Variants in INO80 observed in about 807,000 individuals in gnomAD.
INO80 encodes the protein chromatin-remodeling ATPase INO80.
A neutral mutation model predicts 203.4 loss-of-function variants in INO80; 20 were observed. The observed-to-expected ratio is 0.10, with a 90% CI of 0.07 to 0.14. INO80 has a LOEUF of 0.14. INO80 is among the 10% of genes least tolerant of loss of function. The probability of loss-of-function intolerance (pLI) is 1.00; values close to 1 mark genes in which losing one functional copy is unlikely to be tolerated. For missense variants in INO80, 1,419 were observed against 1,914.4 expected, an observed-to-expected ratio of 0.74 and a Z score of 4.83; for synonymous variants, 726 against 685.2, an observed-to-expected ratio of 1.06 and a Z score of -0.93.
intron 19 of INO80, among the ~76,000 whole-genome samples, chr15:41,053,589 A>G (rs2044925042): frequency 6.6e-6 from 1 of 152,232 alleles, no homozygotes; most frequent in South Asian, 2.1e-4. Flanking sequence ...TACTTCATAA[A>G]CAAATATTCA....
At chr15:41,008,224 TACACACACACACACACAC>T (rs71104765) in intron 27 of INO80, among the ~76,000 whole-genome samples, 3 of 148,824 alleles carry the variant, frequency 2.0e-5, no homozygotes, top group East Asian at 2.0e-4. Flanking sequence ...TATATATACA[TACACACACACACACACAC>T]ACACACACAC....
At position 40,985,384 on chromosome 15, in the gene INO80, T is replaced by C. The variant is rs1485064405; in HGVS notation, c.3875A>G (p.Asn1292Ser). The C allele has an allele frequency of 6.2e-6, 10 of 1,613,988 alleles. No individual in the cohort carries two copies. The Admixed American group carries it at 1.2e-4, about 19-fold the overall frequency. ...CTTCCGCTTGCGCTCTTTCACTCGG[T>C]TGGTTTCCTCCTGTTGCCGTTTCTC... The part of the protein sequence containing the change: ...QEEKRQQEET[N>S]RVKERKRKRE... The change falls in exon 32 of 36, where the codon AAC becomes AGC. Residue 1292 changes from asparagine to serine, a missense_variant. Transcript: ENST00000648947.
chr15:41,074,669 T>C (rs1392248404), intron 9 of INO80, 104 bp from the exon 10 acceptor site: 4 of 762,070 alleles, frequency 5.2e-6, no homozygotes, highest in African/African-American at 1.8e-5. Flanking sequence ...TTACCAACTG[T>C]TTACTTTTAA....
intron 21 of INO80, among the ~76,000 whole-genome samples, chr15:41,048,892 C>T (rs1339275289): frequency 2.6e-5 from 4 of 152,204 alleles, no homozygotes; most frequent in East Asian, 1.9e-4. Context: ...CTAAATTTAT[C>T]GTTGCTGACT....
intron 7 of INO80, among the ~76,000 whole-genome samples, chr15:41,083,464 G>A (rs937169155): frequency 3.3e-5 from 5 of 152,012 alleles, no homozygotes; most frequent in Non-Finnish European, 7.4e-5. Flanking sequence ...CCAGCACTTT[G>A]GAAAGCTGAG....
chr15:41,105,878 T>C (rs931999253), intron 1 of INO80, among the ~76,000 whole-genome samples: 1 of 152,196 alleles, frequency 6.6e-6, no homozygotes, highest in Non-Finnish European at 1.5e-5. Context: ...TCAAGGTTCA[T>C]CTTATGTATA....
intron 15 of INO80, among the ~76,000 whole-genome samples, chr15:41,059,653 C>CA (rs936863496): frequency 5.4e-5 from 8 of 147,526 alleles, no homozygotes; most frequent in South Asian, 4.3e-4. Context: ...GACCTTGTCT[C>CA]AAAAAAAAAG....
At position 41,056,853 on chromosome 15, in the gene INO80, A is replaced by G. The variant is rs2044995591; in HGVS notation, c.1986-147T>C. ...ATCATGTATTCAACTGAAAAACATTATTCAACAAAGCTGAAAACAGGACAC... is the reference window on the plus strand; with the variant it reads ...ATCATGTATTCAACTGAAAAACATTGTTCAACAAAGCTGAAAACAGGACAC... On this transcript the variant is annotated intron_variant, in intron 16 of 35. Transcript: ENST00000648947. 10 of 634,406 alleles carry G rather than the reference A, an allele frequency of 1.6e-5. No individual in the cohort carries two copies. The South Asian group carries it at 2.0e-4, about 12-fold the overall frequency. 39.3% of individuals were successfully genotyped at this position (634,406 alleles called of 1,614,324 possible).
At chr15:41,057,454 CCT>C (rs1184428473) in intron 16 of INO80, among the ~76,000 whole-genome samples, 2 of 132,090 alleles carry the variant, frequency 1.5e-5, no homozygotes, top group East Asian at 2.1e-4. Context: ...GACCCTATCC[CCT>C]GTCTCAAAAA....
chr15:41,081,196 T>C (rs903287189), intron 7 of INO80, 123 bp from the exon 8 acceptor site: 3 of 637,694 alleles, frequency 4.7e-6, no homozygotes, highest in South Asian at 1.9e-5. Flanking sequence ...CAAGATATAT[T>C]ACTTCTATAA....
Position 41,069,592 on chromosome 15 carries a change from G to A in INO80, c.1760C>T (p.Thr587Ile). The A allele has an allele frequency of 6.2e-7, 1 of 1,603,102 alleles. No homozygotes were observed. Among genetic ancestry groups the A allele is most frequent in the Non-Finnish European group, 8.5e-7 (1 of 1,171,950 alleles). The stretch of plus-strand genomic sequence containing the variant: ...TACCTTAAATTTAGGAACAAATCTA[G>A]TAAACTCCTGGTGCCAATTGTTAAG... The part of the protein sequence containing the change: ...STLNNWHQEF[T>I]RFVPKFKVLP... The change falls in exon 14 of 36, where the codon ACT becomes ATT. Residue 587 changes from threonine to isoleucine, a missense_variant. By Grantham distance (89) the Thr-to-Ile change is moderately conservative (BLOSUM62 -1). Around this residue, in one of 9 missense-constraint regions of INO80, gnomAD observed 192 missense variants for 406.7 expected, o/e 0.47. Coordinates refer to ENST00000648947, the MANE Select transcript of INO80 (RefSeq NM_017553.3).
At chr15:41,090,466 A>G (rs1298442963) in intron 5 of INO80, among the ~76,000 whole-genome samples, 1 of 152,124 alleles carries the variant, frequency 6.6e-6, no homozygotes, top group Admixed American at 6.6e-5. Flanking sequence ...AATCTCAGCT[A>G]CTCAGCAGGC....
At chr15:41,045,520 T>G (rs2044740671) in intron 23 of INO80, among the ~76,000 whole-genome samples, 1 of 146,980 alleles carries the variant, frequency 6.8e-6, no homozygotes, top group Non-Finnish European at 1.5e-5. Flanking sequence ...AGATGGAGAT[T>G]GCAGTGAGCC....
rs189875666 is a variant in INO80, at chr15:41,111,209, G to C, written c.-44+4764C>G. Among the ~76,000 whole-genome samples, 140 of 152,354 alleles carry C rather than the reference G, an allele frequency of 9.2e-4. 1 individual carries two copies. Among genetic ancestry groups the C allele is most frequent in the African/African-American group, 3.3e-3 (137 of 41,594 alleles). ...GCCTATAATCCTAGCACTTTGGGAG[G>C]TAGAGGCAGGCAAATCACCTGAGGT... is the stretch of plus-strand genomic sequence containing the variant. On this transcript the variant is annotated intron_variant, in intron 1 of 35. Coordinates refer to ENST00000648947, the MANE Select transcript of INO80 (RefSeq NM_017553.3).
At position 40,980,118 on chromosome 15, in the gene INO80, T is replaced by C. The variant is rs1359866218; in HGVS notation, c.*105A>G. ...TTCCCCTGCTGGACATTTCCACTTC[T>C]GACTCAGGATGCAAGATGCTGCACG... On this transcript the variant is annotated 3_prime_UTR_variant, in exon 36 of 36. Transcript: ENST00000648947. 3 of 907,686 alleles carry C rather than the reference T, an allele frequency of 3.3e-6. No individual in the cohort carries two copies. Among genetic ancestry groups the C allele is most frequent in the African/African-American group, 3.3e-5 (2 of 60,306 alleles). 56.2% of individuals were successfully genotyped at this position (907,686 alleles called of 1,614,324 possible). A position where few individuals can be genotyped will look rare whatever the true frequency, so the allele number is the denominator to read the frequency against.
intron 19 of INO80, among the ~76,000 whole-genome samples, chr15:41,051,140 AAAAG>A (rs905961476): frequency 4.6e-5 from 7 of 150,876 alleles, no homozygotes; most frequent in African/African-American, 1.2e-4. Flanking sequence ...AAAAAAAAAA[AAAAG>A]AAAGTTCTCC....
intron 34 of INO80, 30 bp from the exon 35 acceptor site, chr15:40,983,107 G>GA (rs367733180): frequency 0.13 from 127,840 of 991,234 alleles, no homozygotes; most frequent in Non-Finnish European, 0.14. Context: ...AAAAGGGAAA[G>GA]AAAAAAAAAA....
intron 7 of INO80, among the ~76,000 whole-genome samples, chr15:41,084,343 T>A (rs1384062479): frequency 1.3e-5 from 2 of 152,126 alleles, no homozygotes; most frequent in Non-Finnish European, 2.9e-5. Context: ...GCAGATCACC[T>A]GGGGTCAAGA....
At chr15:41,093,416 C>A (rs1207445193) in intron 4 of INO80, among the ~76,000 whole-genome samples, 1 of 151,942 alleles carries the variant, frequency 6.6e-6, no homozygotes, top group African/African-American at 2.4e-5. Flanking sequence ...CAGAGCAAGA[C>A]TCCGTCTCAA....
Sources: gnomAD v4.1 joint callset for allele counts (sites outside exome capture counted in the v4.1 genomes callset) on GRCh38, gnomAD v4.1.1 for gene constraint, gnomAD v4.1.1 regional missense constraint, MANE v1.5 for transcripts, NCBI Gene and HGNC (gene_info 2026-07-23, HGNC 2026-07-21) for gene names.